The following UTRN variants were observed in gnomAD, a reference collection of about 807,000 sequenced individuals.
The protein encoded by UTRN is dystrophin-related protein 1.
In UTRN, 283 loss-of-function variants were observed where a neutral mutation model predicts 463.9. That is an observed-to-expected ratio of 0.61 (90% CI 0.55 to 0.67). The LOEUF is 0.67. Ranked by LOEUF, UTRN falls within the 30% of genes least tolerant of loss-of-function variation. The pLI is 0.00. For synonymous variants in UTRN, 1,442 were observed against 1,431.5 expected (o/e 1.01, Z -0.17); for missense variants, 3,922 against 4,084.3 (o/e 0.96, Z 1.08).
At chr6:144,366,496 C>A (rs549397252) in intron 2 of UTRN, among the ~76,000 whole-genome samples, 2 of 152,252 alleles carry the variant, frequency 1.3e-5, no homozygotes, top group East Asian at 1.9e-4. Context: ...TGAGAACATG[C>A]GGTATTTGAT....
chr6:144,677,974 G>A (rs910750977), intron 51 of UTRN, among the ~76,000 whole-genome samples: 3 of 152,060 alleles, frequency 2.0e-5, no homozygotes, highest in Admixed American at 1.3e-4. Context: ...GTAAATATAA[G>A]TTCCTCGTAG....
intron 2 of UTRN, among the ~76,000 whole-genome samples, chr6:144,373,084 T>C (rs1049597810): frequency 9.2e-5 from 14 of 152,192 alleles, no homozygotes; most frequent in African/African-American, 3.4e-4. Flanking sequence ...TAAAATAGTG[T>C]AGCAGTTTTG....
intron 3 of UTRN, 83 bp downstream of exon 3, chr6:144,403,267 C>T: frequency 1.6e-6 from 2 of 1,271,652 alleles, no homozygotes; most frequent in Non-Finnish European, 1.1e-6. Context: ...AGTGAATTTT[C>T]CCCAGGAAAT....
intron 65 of UTRN, among the ~76,000 whole-genome samples, chr6:144,806,511 T>C (rs1284886043): frequency 3.9e-5 from 6 of 152,190 alleles, no homozygotes; most frequent in Admixed American, 2.0e-4. Context: ...GTAAATTGAA[T>C]CTTTAAAAAG....
chr6:144,520,125 C>T (rs1476838559), intron 39 of UTRN, among the ~76,000 whole-genome samples: 1 of 152,110 alleles, frequency 6.6e-6, no homozygotes, highest in Admixed American at 6.5e-5. Context: ...GGATGGGAAG[C>T]CAAGAAGGAA....
chr6:144,381,387 G>A (rs1395749212), intron 2 of UTRN, among the ~76,000 whole-genome samples: 2 of 152,178 alleles, frequency 1.3e-5, no homozygotes, highest in Non-Finnish European at 2.9e-5. Flanking sequence ...ATTCCATAGT[G>A]TGTATATGCC....
chr6:144,755,143 T>C (rs1791850393), intron 57 of UTRN, among the ~76,000 whole-genome samples: 1 of 152,198 alleles, frequency 6.6e-6, no homozygotes, highest in South Asian at 2.1e-4. Flanking sequence ...TTTTAAGGTT[T>C]TAAATTAATT....
chr6:144,636,242 G>A (rs1259765836), intron 51 of UTRN, among the ~76,000 whole-genome samples: 1 of 152,090 alleles, frequency 6.6e-6, no homozygotes, highest in Non-Finnish European at 1.5e-5. Context: ...TCCCTTGCAA[G>A]GACATAGATG....
intron 17 of UTRN, among the ~76,000 whole-genome samples, chr6:144,450,360 C>T (rs976047194): frequency 3.3e-5 from 5 of 152,178 alleles, no homozygotes; most frequent in Non-Finnish European, 5.9e-5. Context: ...GTTCAGTACT[C>T]ATTATTCCAG....
chr6:144,781,423 A>G (rs957919964), intron 60 of UTRN, among the ~76,000 whole-genome samples: 1 of 152,218 alleles, frequency 6.6e-6, no homozygotes, highest in African/African-American at 2.4e-5. Context: ...GAGCATCTTC[A>G]GTAAATTTTG....
At chr6:144,340,547 G>T (rs1428654699) in intron 2 of UTRN, among the ~76,000 whole-genome samples, 1 of 152,076 alleles carries the variant, frequency 6.6e-6, no homozygotes, top group Middle Eastern at 3.2e-3. Flanking sequence ...CAGCTAATTT[G>T]TTCTGTAATT....
At chr6:144,738,096 A>G (rs572010970) in intron 54 of UTRN, among the ~76,000 whole-genome samples, 4 of 152,318 alleles carry the variant, frequency 2.6e-5, no homozygotes, top group African/African-American at 9.6e-5. Flanking sequence ...GTCTATGACA[A>G]TGACTTCCTT....
rs554632865 is a variant in UTRN at position 144,381,171 on chromosome 6, C to T, written c.80-21952C>T. 3.9e-5 allele frequency among the ~76,000 whole-genome samples: 6 copies of T among 152,208 alleles called. No individual in the cohort carries two copies. The South Asian group carries it at 1.0e-3, about 26-fold the overall frequency. ...TATTTTTCGTGATCGTTTCCCTCCC[C>T]CCAACCTCCACCCTCCAATAGACCC... On this transcript the variant is annotated intron_variant, in intron 2 of 74. Transcript: ENST00000367545.
chr6:144,338,345 A>G (rs1222806473), intron 2 of UTRN, among the ~76,000 whole-genome samples: 4 of 152,256 alleles, frequency 2.6e-5, no homozygotes, highest in Admixed American at 6.5e-5. Context: ...TTAAAAAAAA[A>G]ACCCGACATG....
At chr6:144,659,529 G>C (rs1779645504) in intron 51 of UTRN, among the ~76,000 whole-genome samples, 1 of 152,198 alleles carries the variant, frequency 6.6e-6, no homozygotes, top group African/African-American at 2.4e-5. Context: ...CCTTAGGCCA[G>C]GCTGACCTAG....
At position 144,581,322 on chromosome 6, in the gene UTRN, A is replaced by G. The variant is rs993498627; in HGVS notation, c.7479+4034A>G. ...CTAAAAGATTGTTATTCTTTTAATT[A>G]TATTTAAAAATTTCAGCTTTACATT... On this transcript the variant is annotated intron_variant, in intron 51 of 74. Transcript: ENST00000367545. Among the ~76,000 whole-genome samples, 8 of 152,198 alleles carry G rather than the reference A, an allele frequency of 5.3e-5. No individual in the cohort carries two copies. In the South Asian group the frequency reaches 1.7e-3, roughly 31 times the overall value.
chr6:144,387,593 T>A (rs925803600), intron 2 of UTRN, among the ~76,000 whole-genome samples: 2 of 152,226 alleles, frequency 1.3e-5, no homozygotes, highest in Non-Finnish European at 2.9e-5. Flanking sequence ...ACACAGTTAT[T>A]TTACATTATT....
At chr6:144,718,725 T>C (rs1219798038) in intron 53 of UTRN, among the ~76,000 whole-genome samples, 1 of 152,214 alleles carries the variant, frequency 6.6e-6, no homozygotes, top group Non-Finnish European at 1.5e-5. Context: ...CATCTCCTCC[T>C]TCATTCATAC....
rs1785971335 is a variant in UTRN, at chr6:144,713,457, C to CA, written c.7809+13221dup. ...CCCATCTCTACTAAAAAAAAAAAAT[C>CA]AAAAAAATCAGCTGGGTGTGGTGGT... On this transcript the variant is annotated intron_variant, in intron 53 of 74. Coordinates refer to ENST00000367545, the MANE Select transcript of UTRN (RefSeq NM_007124.3). 4.4e-5 allele frequency among the ~76,000 whole-genome samples: 6 copies of CA among 136,720 alleles called. No homozygotes were observed. The South Asian group carries it at 1.1e-3, about 26-fold the overall frequency. 89.7% of individuals were successfully genotyped at this position (136,720 alleles called of 152,430 possible).
Sources: allele counts gnomAD v4.1 joint callset (sites outside exome capture counted in the v4.1 genomes callset), GRCh38; gene constraint gnomAD v4.1.1; transcripts MANE v1.5; gene names NCBI Gene and HGNC (gene_info 2026-07-23, HGNC 2026-07-21).